The following CYRIB variants were observed in gnomAD, a reference collection of about 807,000 sequenced individuals.
CYRIB encodes CYFIP related Rac1 interactor B.
A neutral mutation model predicts 44.2 loss-of-function variants in CYRIB; 8 were observed. The ratio of observed to expected loss-of-function variants is 0.18; its 90% confidence interval spans 0.11 to 0.33. The LOEUF is 0.33. Among genes scored for constraint, CYRIB ranks in the 10% least tolerant of loss-of-function variants. CYRIB has a pLI of 1.00. For synonymous variants in CYRIB, 131 were observed against 127.2 expected (o/e 1.03, Z -0.20); for missense variants, 185 against 382.8 (o/e 0.48, Z 4.31).
chr8:129,963,117 T>C (rs912401027), intron 2 of CYRIB, among the ~76,000 whole-genome samples: 6 of 152,088 alleles, frequency 3.9e-5, no homozygotes, highest in African/African-American at 1.5e-4. Context: ...TTTTTTTACC[T>C]CCTGCTAGAA....
At chr8:129,947,639 C>CA (rs1398862402) in intron 2 of CYRIB, among the ~76,000 whole-genome samples, 2 of 152,104 alleles carry the variant, frequency 1.3e-5, no homozygotes, top group South Asian at 2.1e-4. Context: ...TTGATTGCAG[C>CA]AAAAAAATTT....
Position 129,916,528 on chromosome 8 carries a change from G to A in CYRIB, c.-49-13178C>T, listed in dbSNP as rs184554358. ...GCTACTCCTAATAAACATGCTACTA[G>A]AGCAGAGCCCCCTAACAGCCTATGC... On this transcript the variant is annotated intron_variant, in intron 1 of 11. Coordinates refer to ENST00000519824, the Ensembl canonical transcript of CYRIB. 6.9e-3 allele frequency among the ~76,000 whole-genome samples: 1,046 copies of A among 152,186 alleles called. 10 individuals carry two copies. Among genetic ancestry groups the A allele is most frequent in the Non-Finnish European group, 0.011 (753 of 68,010 alleles).
chr8:129,850,715 A>G, intron 9 of CYRIB, 120 bp downstream of exon 11: 1 of 741,540 alleles, frequency 1.3e-6, no homozygotes, highest in Non-Finnish European at 2.3e-6. Flanking sequence ...CAATATTTGG[A>G]ATATACTTAC....
intron 1 of CYRIB, among the ~76,000 whole-genome samples, chr8:129,987,632 C>T (rs1194268108): frequency 6.7e-6 from 1 of 148,676 alleles, no homozygotes; most frequent in African/African-American, 2.5e-5. Context: ...GGCAGTGGCA[C>T]GATCCTGGCT....
chr8:129,926,417 G>C (rs1230432728), intron 1 of CYRIB, among the ~76,000 whole-genome samples: 1 of 152,004 alleles, frequency 6.6e-6, no homozygotes, highest in Non-Finnish European at 1.5e-5. Context: ...GTCTCACTGT[G>C]CCACTCTGAA....
intron 2 of CYRIB, among the ~76,000 whole-genome samples, chr8:129,882,532 C>T: frequency 6.6e-6 from 1 of 152,172 alleles, no homozygotes; most frequent in South Asian, 2.1e-4. Flanking sequence ...TGTTATAAAT[C>T]AGAATGAAGC....
chr8:129,906,957 C>A (rs1334985695), intron 1 of CYRIB, among the ~76,000 whole-genome samples: 2 of 152,178 alleles, frequency 1.3e-5, no homozygotes, highest in African/African-American at 4.8e-5. Flanking sequence ...ACGACAGGTG[C>A]TGGAGAGGAT....
At chr8:129,883,112 CAAAAAAAAAAAAAAAA>C (rs34764499) in intron 2 of CYRIB, among the ~76,000 whole-genome samples, 3 of 41,240 alleles carry the variant, frequency 7.3e-5, no homozygotes, top group South Asian at 1.3e-3. Context: ...GACTCCCTCT[CAAAAAAAAAAAAAAAA>C]AAAAAAAAAA....
intron 2 of CYRIB, chr8:129,890,674 C>T (rs956512889): frequency 6.6e-6 from 1 of 151,930 alleles, no homozygotes; most frequent in Non-Finnish European, 1.5e-5. Context: ...GGGGAGATTA[C>T]TTGAGGTCAG....
intron 2 of CYRIB, among the ~76,000 whole-genome samples, chr8:129,967,991 A>T (rs554171018): frequency 6.6e-6 from 1 of 152,318 alleles, no homozygotes; most frequent in Non-Finnish European, 1.5e-5. Flanking sequence ...TAATACTTGC[A>T]AACACAGACC....
intron 11 of CYRIB, chr8:129,844,008 ATG>A (rs2038232136): frequency 6.6e-6 from 1 of 152,236 alleles, no homozygotes; most frequent in Non-Finnish European, 1.5e-5. Context: ...ATGCTAAGTG[ATG>A]TCACAAGGAT....
rs183220026 is a variant in CYRIB, at chr8:129,973,978, G to A, written c.-295-2983C>T. Among the ~76,000 whole-genome samples, 8 of 152,188 alleles carry A rather than the reference G, an allele frequency of 5.3e-5. No individual in the cohort carries two copies. In the East Asian group the frequency reaches 1.5e-3, roughly 29 times the overall value. ...TACCTGAGGGCTCATGCTAGGTTTT[G>A]GTCATCCTGGTGTCCCCCACACCCG... On this transcript the variant is annotated intron_variant, in intron 1 of 14. Coordinates refer to the CYRIB transcript ENST00000401979.
intron 1 of CYRIB, among the ~76,000 whole-genome samples, chr8:129,982,879 A>T (rs1251735040): frequency 1.3e-5 from 2 of 152,242 alleles, no homozygotes; most frequent in African/African-American, 4.8e-5. Flanking sequence ...GCTGGCTGTC[A>T]CCAAGCCACT....
intron 2 of CYRIB, among the ~76,000 whole-genome samples, chr8:129,966,588 C>T (rs1470096481): frequency 6.6e-6 from 1 of 152,170 alleles, no homozygotes; most frequent in Non-Finnish European, 1.5e-5. Flanking sequence ...AAAGGCCAGG[C>T]GCAGTGGCTC....
chr8:129,923,040 A>AC (rs991462120), intron 1 of CYRIB, among the ~76,000 whole-genome samples: 43 of 145,742 alleles, frequency 3.0e-4, no homozygotes, highest in East Asian at 2.1e-3. Flanking sequence ...GACCAGCCTG[A>AC]CCATCAGGGG....
chr8:129,954,460 T>C (rs2094681127), intron 2 of CYRIB, among the ~76,000 whole-genome samples: 1 of 152,128 alleles, frequency 6.6e-6, no homozygotes, highest in South Asian at 2.1e-4. Flanking sequence ...TGATCTCAGG[T>C]GATCCACCCA....
intron 8 of CYRIB, chr8:129,851,621 C>G (rs1490105009): frequency 6.6e-6 from 1 of 152,112 alleles, no homozygotes; most frequent in East Asian, 1.9e-4. Context: ...CCAGCCTGAC[C>G]AACATGCAGA....
Position 129,936,297 on chromosome 8 carries a change from T to TACCTCTA in CYRIB, c.-50+3310_-50+3311insTAGAGGT, listed in dbSNP as rs545716168. On this transcript the variant is annotated intron_variant, in intron 1 of 11. Transcript: ENST00000519824. ...AAATATTTAATTATGATTAATGGCA[T>TACCTCTA]ACCTAAGGTCTCTGAGCCTTACTTT... Among the ~76,000 whole-genome samples, 69 of 152,332 alleles carry TACCTCTA rather than the reference T, an allele frequency of 4.5e-4. No homozygotes were observed. In the South Asian group the frequency reaches 1.0e-2, roughly 22 times the overall value.
chr8:129,980,229 A>G (rs1239533208), intron 1 of CYRIB, among the ~76,000 whole-genome samples: 1 of 41,954 alleles, frequency 2.4e-5, no homozygotes, highest in African/African-American at 5.4e-4. Flanking sequence ...CTCCATCTCA[A>G]AAAAAAAAAA....
Sources: gnomAD v4.1 joint callset for allele counts (sites outside exome capture counted in the v4.1 genomes callset) on GRCh38, gnomAD v4.1.1 for gene constraint, MANE v1.5 for transcripts, NCBI Gene and HGNC (gene_info 2026-07-23, HGNC 2026-07-21) for gene names.